PHF14: variants seen among roughly 807,000 people sequenced by gnomAD.
The protein encoded by PHF14 is PHD finger protein 14.
PHF14 carries 55 observed loss-of-function variants against 117.9 expected under a neutral mutation model. The ratio of observed to expected loss-of-function variants is 0.47; its 90% CI spans 0.38 to 0.58. The LOEUF (loss-of-function observed/expected upper bound fraction) is 0.58. Among genes scored for constraint, PHF14 ranks in the 20% least tolerant of loss-of-function variants. PHF14 has a pLI of 0.00. For synonymous variants in PHF14, 409 were observed against 368.6 expected (o/e 1.11, Z -1.26); for missense variants, 978 against 1,122.2 (o/e 0.87, Z 1.84).
chr7:11,099,004 A>T (rs1408997508), intron 16 of PHF14, among the ~76,000 whole-genome samples: 3 of 152,196 alleles, frequency 2.0e-5, no homozygotes, highest in African/African-American at 7.2e-5. Context: ...TTAAAAGTTC[A>T]TTTCAAAAAT....
chr7:11,045,985 A>G (rs1346716458), intron 13 of PHF14, among the ~76,000 whole-genome samples: 1 of 152,208 alleles, frequency 6.6e-6, no homozygotes, highest in Non-Finnish European at 1.5e-5. Flanking sequence ...AGGAGAGGGG[A>G]AAACCTAGGG....
At chr7:11,088,095 A>T (rs1436835023) in intron 16 of PHF14, among the ~76,000 whole-genome samples, 2 of 152,210 alleles carry the variant, frequency 1.3e-5, no homozygotes, top group African/African-American at 4.8e-5. Flanking sequence ...CTCGGATATC[A>T]AAATCTGAAG....
chr7:11,063,111 T>G, intron 16 of PHF14: 1 of 936,616 alleles, frequency 1.1e-6, no homozygotes, highest in Non-Finnish European at 1.3e-6. Flanking sequence ...AGTCTTAAAT[T>G]TTATGAGTTT....
intron 17 of PHF14, among the ~76,000 whole-genome samples, chr7:11,137,073 T>C (rs533792733): frequency 6.6e-6 from 1 of 152,336 alleles, no homozygotes; most frequent in African/African-American, 2.4e-5. Flanking sequence ...ATTAAAGTGG[T>C]TTGTGACTCC....
intron 5 of PHF14, among the ~76,000 whole-genome samples, 178 bp from the exon 6 acceptor site, chr7:11,022,690 T>C (rs752530237): frequency 1.4e-4 from 22 of 152,154 alleles, no homozygotes; most frequent in Non-Finnish European, 2.6e-4. Context: ...TGTAACTAAG[T>C]GTTATTCTGT....
chr7:11,000,962 C>T (rs1782850276), intron 4 of PHF14, among the ~76,000 whole-genome samples: 1 of 151,514 alleles, frequency 6.6e-6, no homozygotes, highest in Non-Finnish European at 1.5e-5. Context: ...AGATTTTCTC[C>T]CGTGTTATTT....
intron 5 of PHF14, among the ~76,000 whole-genome samples, chr7:11,017,539 T>A (rs1029259144): frequency 6.6e-6 from 1 of 152,176 alleles, no homozygotes; most frequent in African/African-American, 2.4e-5. Flanking sequence ...TATGAGCTTC[T>A]TTTTATATGT....
rs371709359 is a variant in PHF14, at chr7:11,038,783, A to G, written c.2004A>G (p.Leu668=). The G allele has an allele frequency of 4.4e-6, 7 of 1,588,060 alleles. No homozygotes were observed. The highest frequency in any genetic ancestry group is 2.3e-5 in the South Asian group (2 of 87,480). ...YNKLCESLEE[L]QNLNGKLRSE... ...AGCTATGTGAATCTTTAGAAGAACT[A>G]CAAAACCTGAATGGAAAACTTCGAA... Residue 668 remains leucine (L), a synonymous_variant, in exon 11 of 18, where the codon CTA becomes CTG. Coordinates refer to ENST00000634607, the MANE Select transcript of PHF14 (RefSeq NM_001007157.2).
At chr7:11,054,383 C>G (rs978185347) in intron 14 of PHF14, among the ~76,000 whole-genome samples, 1 of 151,960 alleles carries the variant, frequency 6.6e-6, no homozygotes, top group East Asian at 1.9e-4. Flanking sequence ...TTCCTTTTTC[C>G]CTCTCATCTT....
At chr7:11,101,637 G>T (rs1037328500) in intron 16 of PHF14, among the ~76,000 whole-genome samples, 5 of 151,768 alleles carry the variant, frequency 3.3e-5, no homozygotes, top group Admixed American at 6.6e-5. Flanking sequence ...ATTCAGTTTG[G>T]CATGATAGCT....
chr7:11,093,914 C>G (rs1407512222), intron 16 of PHF14, among the ~76,000 whole-genome samples: 1 of 152,106 alleles, frequency 6.6e-6, no homozygotes, highest in East Asian at 1.9e-4. Context: ...TCCTGTCACT[C>G]CTGTAGGAGT....
At position 11,129,634 on chromosome 7, in the gene PHF14, C is replaced by T. The variant is rs1292834095; in HGVS notation, c.2772+18167C>T. Among the ~76,000 whole-genome samples, 4 of 148,942 alleles carry T rather than the reference C, an allele frequency of 2.7e-5. No homozygotes were observed. In the East Asian group the frequency reaches 7.9e-4, roughly 29 times the overall value. On this transcript the variant is annotated intron_variant, in intron 17 of 17. Transcript: ENST00000634607. Reference sequence around the variant, plus strand: ...AAAATATTTTCTTTCTGTTGATGGACCTACCAATATATTAGCAATAGGAGT... The same window carrying T: ...AAAATATTTTCTTTCTGTTGATGGATCTACCAATATATTAGCAATAGGAGT...
chr7:11,047,111 C>T (rs1784691656), intron 13 of PHF14, among the ~76,000 whole-genome samples: 1 of 151,526 alleles, frequency 6.6e-6, no homozygotes, highest in African/African-American at 2.4e-5. Flanking sequence ...CTCTGTCACC[C>T]AGGCTGGGGT....
chr7:11,084,442 T>G (rs10280736), intron 16 of PHF14, among the ~76,000 whole-genome samples: 5,985 of 151,940 alleles, frequency 0.039, 269 homozygotes, highest in African/African-American at 0.11. Flanking sequence ...CAGGGCCTAC[T>G]GGTGGCCTCC....
At chr7:11,087,913 T>C (rs552430768) in intron 16 of PHF14, among the ~76,000 whole-genome samples, 2 of 152,330 alleles carry the variant, frequency 1.3e-5, no homozygotes, top group Admixed American at 1.3e-4. Flanking sequence ...AACTTGAAAC[T>C]AACATAACAA....
At chr7:11,063,384 G>C in intron 16 of PHF14, 1 of 981,308 alleles carries the variant, frequency 1.0e-6, no homozygotes, top group Non-Finnish European at 1.2e-6. Flanking sequence ...CCAAGCATAA[G>C]CGTAACATAA....
intron 2 of PHF14, among the ~76,000 whole-genome samples, chr7:10,977,511 A>G (rs1469372653): frequency 6.6e-6 from 1 of 152,172 alleles, no homozygotes; most frequent in Admixed American, 6.5e-5. Context: ...TAACTCTATC[A>G]TAAAATAGAA....
intron 16 of PHF14, among the ~76,000 whole-genome samples, chr7:11,074,032 T>C (rs1785725106): frequency 6.6e-6 from 1 of 152,052 alleles, no homozygotes; most frequent in African/African-American, 2.4e-5. Flanking sequence ...CTCTTAGACC[T>C]CTGGGCCTGT....
At chr7:11,166,867 A>G (rs573035260) in intron 17 of PHF14, among the ~76,000 whole-genome samples, 1 of 152,290 alleles carries the variant, frequency 6.6e-6, no homozygotes, top group East Asian at 1.9e-4. Flanking sequence ...CCTGTCCTGA[A>G]CAGCAGGCAG....
Sources: allele counts gnomAD v4.1 joint callset (sites outside exome capture counted in the v4.1 genomes callset), GRCh38; gene constraint gnomAD v4.1.1; transcripts MANE v1.5; gene names NCBI Gene and HGNC (gene_info 2026-07-23, HGNC 2026-07-21).